The following SOAT1 variants were observed in gnomAD, a reference collection of about 807,000 sequenced individuals.
SOAT1 encodes sterol O-acyltransferase 1.
Under a neutral mutation model 69.5 loss-of-function variants are expected in SOAT1, and 55 were observed. That is an observed-to-expected ratio of 0.79 (90% CI 0.64 to 0.99). SOAT1 has a LOEUF of 0.99. Ranked by LOEUF, SOAT1 falls within the 50% of genes least tolerant of loss-of-function variation. The pLI, the probability that SOAT1 is intolerant of heterozygous loss-of-function variation, is 0.00. For synonymous variants in SOAT1, 231 were observed against 224.7 expected (o/e 1.03, Z -0.25); for missense variants, 580 against 669.3 (o/e 0.87, Z 1.47).
intron 4 of SOAT1, 89 bp from the exon 5 acceptor site, chr1:179,337,748 T>G: frequency 1.1e-6 from 1 of 873,258 alleles, no homozygotes; most frequent in Admixed American, 2.6e-5. Context: ...TGTTAGATGG[T>G]GTTATTGGTA....
At chr1:179,299,695 C>T (rs1413911408) in intron 1 of SOAT1, among the ~76,000 whole-genome samples, 2 of 146,150 alleles carry the variant, frequency 1.4e-5, no homozygotes, top group Non-Finnish European at 3.0e-5. Context: ...TTTCATATGG[C>T]TTGGGTAATA....
intron 1 of SOAT1, among the ~76,000 whole-genome samples, chr1:179,300,176 A>C (rs998479941): frequency 2.8e-5 from 4 of 144,436 alleles, no homozygotes; most frequent in Non-Finnish European, 6.3e-5. Flanking sequence ...TCTGGCCAGA[A>C]AAAAAAAAAT....
chr1:179,299,553 A>C (rs1283995128), intron 1 of SOAT1, among the ~76,000 whole-genome samples: 1 of 152,118 alleles, frequency 6.6e-6, no homozygotes, highest in Non-Finnish European at 1.5e-5. Flanking sequence ...TGGCCAAAGA[A>C]TATTTGGAAA....
At position 179,358,001 on chromosome 1, in the gene SOAT1, C is replaced by T. The variant is rs146528183; in HGVS notation, c.*4360C>T. 6.6e-6 allele frequency: 1 copy of T among 152,160 alleles called. No homozygotes were observed. Among genetic ancestry groups the T allele is most frequent in the East Asian group, 1.9e-4 (1 of 5,182 alleles). The allele number at this position is 152,160 out of a possible 1,614,324, so 9.4% of individuals were successfully genotyped here. A position where few individuals can be genotyped will look rare whatever the true frequency, so the allele number is the denominator to read the frequency against. ...TAATATGCAACCACCCTAGTTGAAA[C>T]AGAGTGTATCACTTCTTTCTCACCC... On this transcript the variant is annotated 3_prime_UTR_variant, in exon 16 of 16. Transcript: ENST00000367619.
chr1:179,317,550 T>A (rs1368818993), intron 2 of SOAT1, among the ~76,000 whole-genome samples: 36 of 120,042 alleles, frequency 3.0e-4, no homozygotes, highest in South Asian at 5.5e-4. Context: ...AAAAAAAAAA[T>A]ACTTAAGCTA....
chr1:179,323,995 T>TA (rs975887204), intron 3 of SOAT1, among the ~76,000 whole-genome samples: 12 of 152,142 alleles, frequency 7.9e-5, no homozygotes, highest in African/African-American at 1.7e-4. Flanking sequence ...AACACTTTTT[T>TA]AAAAAAACAT....
intron 12 of SOAT1, 143 bp downstream of exon 12, chr1:179,347,840 T>C (rs1666588917): frequency 1.7e-6 from 1 of 574,124 alleles, no homozygotes; most frequent in South Asian, 2.2e-5. Context: ...TTGCCAGTAT[T>C]TTCTGAAATT....
At chr1:179,343,860 C>G (rs537034526) in intron 10 of SOAT1, among the ~76,000 whole-genome samples, 1 of 152,178 alleles carries the variant, frequency 6.6e-6, no homozygotes, top group Non-Finnish European at 1.5e-5. Context: ...CAGTGGCTTG[C>G]GCCTGTAATC....
rs1458971858 is a variant in SOAT1 at position 179,302,812 on chromosome 1, AATTTTTTTTTT to A, written c.118+11_118+21del. On this transcript the variant is annotated intron_variant, in intron 2 of 15. Coordinates refer to ENST00000367619, the MANE Select transcript of SOAT1 (RefSeq NM_003101.6). ...GAGACACCTAGTAATGGTGAGGCTT[AATTTTTTTTTT>A]TTAGGTGAATTAGTGAAATAGAGAA... 3 of 1,502,992 alleles carry A rather than the reference AATTTTTTTTTT, an allele frequency of 2.0e-6. No homozygotes were observed. The highest frequency in any genetic ancestry group is 2.7e-6 in the Non-Finnish European group (3 of 1,111,992). 93.1% of individuals were successfully genotyped at this position (1,502,992 alleles called of 1,614,324 possible).
At chr1:179,337,193 C>G (rs1487036818) in intron 4 of SOAT1, among the ~76,000 whole-genome samples, 1 of 152,186 alleles carries the variant, frequency 6.6e-6, no homozygotes, top group Non-Finnish European at 1.5e-5. Context: ...GAGGCATAGA[C>G]TGATGTTCTG....
intron 2 of SOAT1, among the ~76,000 whole-genome samples, chr1:179,315,766 G>C (rs1665371077): frequency 6.6e-6 from 1 of 152,138 alleles, no homozygotes; most frequent in Non-Finnish European, 1.5e-5. Flanking sequence ...TTTATGGATA[G>C]ACAGATTCTT....
chr1:179,296,373 C>T (rs114681480), intron 1 of SOAT1, among the ~76,000 whole-genome samples: 2,583 of 152,208 alleles, frequency 0.017, 78 homozygotes, highest in African/African-American at 0.059. Flanking sequence ...GGACCGTATC[C>T]CCCATGGATA....
intron 2 of SOAT1, among the ~76,000 whole-genome samples, chr1:179,320,792 G>A (rs1485133201): frequency 6.6e-6 from 1 of 152,066 alleles, no homozygotes; most frequent in Admixed American, 6.6e-5. Context: ...CTGGAGTGCA[G>A]TGGCATAATC....
At chr1:179,342,224 C>T in intron 8 of SOAT1, 32 bp downstream of exon 8, 3 of 1,469,484 alleles carry the variant, frequency 2.0e-6, no homozygotes, top group South Asian at 1.2e-5. Flanking sequence ...TTATTTCTTC[C>T]TCCCCTCCCC....
chr1:179,302,184 G>T (rs934377638), intron 1 of SOAT1, among the ~76,000 whole-genome samples: 6 of 152,182 alleles, frequency 3.9e-5, no homozygotes, highest in African/African-American at 1.4e-4. Flanking sequence ...CCCAGAAAAT[G>T]CTTTGAAATG....
chr1:179,342,997 G>A, intron 9 of SOAT1, 54 bp downstream of exon 9: 1 of 1,398,814 alleles, frequency 7.1e-7, no homozygotes, highest in Non-Finnish European at 1.0e-6. Flanking sequence ...TGGCATGAGT[G>A]AGGTGGGATA....
At position 179,355,465 on chromosome 1, in the gene SOAT1, T is replaced by G. The variant is rs992597388; in HGVS notation, c.*1824T>G. ...TATGACTCTTATGAGAAGACTTTGT[T>G]GCTCTGTAGTGTTTCTGAATACTGT... On this transcript the variant is annotated 3_prime_UTR_variant, in exon 16 of 16. Coordinates refer to ENST00000367619, the MANE Select transcript of SOAT1 (RefSeq NM_003101.6). The G allele has an allele frequency of 1.3e-5, 2 of 152,208 alleles. No individual in the cohort carries two copies. Among genetic ancestry groups the G allele is most frequent in the South Asian group, 2.1e-4 (1 of 4,830 alleles). The allele number at this position is 152,208 out of a possible 1,614,324, so 9.4% of individuals were successfully genotyped here.
chr1:179,343,697 A>G, intron 10 of SOAT1, 62 bp downstream of exon 10: 1 of 1,185,384 alleles, frequency 8.4e-7, no homozygotes. Context: ...ATTTATGATA[A>G]TAATATAATC....
chr1:179,343,702 A>G lies in SOAT1; in HGVS notation c.987+67A>G, dbSNP rs1043237881. ...GGGGATTCATATTTATGATAATAATATAATCTAGTTAAATCTAATTGGGAG... is the reference window on the plus strand; with the variant it reads ...GGGGATTCATATTTATGATAATAATGTAATCTAGTTAAATCTAATTGGGAG... On this transcript the variant is annotated intron_variant, in intron 10 of 15. Transcript: ENST00000367619. 12 of 1,146,856 alleles carry G rather than the reference A, an allele frequency of 1.0e-5. No homozygotes were observed. In the African/African-American group the frequency reaches 1.6e-4, roughly 15 times the overall value. The allele number at this position is 1,146,856 out of a possible 1,614,324, so 71.0% of individuals were successfully genotyped here.
Sources: allele counts gnomAD v4.1 joint callset (sites outside exome capture counted in the v4.1 genomes callset), GRCh38; gene constraint gnomAD v4.1.1; transcripts MANE v1.5; gene names NCBI Gene and HGNC (gene_info 2026-07-23, HGNC 2026-07-21).